The following HOMER1 variants were observed in gnomAD, a reference collection of about 807,000 sequenced individuals.
The protein encoded by HOMER1 is homer scaffold protein 1.
Under a neutral mutation model 48.9 loss-of-function variants are expected in HOMER1, and 3 were observed. That is an observed-to-expected ratio of 0.06 (90% CI 0.03 to 0.16). The LOEUF is 0.16. HOMER1 is among the 10% of genes least tolerant of loss of function. The pLI is 1.00. For synonymous variants in HOMER1, 134 were observed against 146.4 expected (o/e 0.92, Z 0.61); for missense variants, 247 against 411.4 (o/e 0.60, Z 3.46).
chr5:79,381,169 T>G (rs530548839), intron 8 of HOMER1, among the ~76,000 whole-genome samples: 7 of 152,166 alleles, frequency 4.6e-5, no homozygotes, highest in Non-Finnish European at 4.4e-5. Flanking sequence ...GGTGTCCCAG[T>G]CCCCAGCAAA....
At chr5:79,443,555 G>A (rs1488254967) in intron 4 of HOMER1, among the ~76,000 whole-genome samples, 16 of 152,240 alleles carry the variant, frequency 1.1e-4, no homozygotes, top group Admixed American at 9.8e-4. Context: ...AAAGATAACT[G>A]TTAGTGCCAG....
intron 5 of HOMER1, among the ~76,000 whole-genome samples, chr5:79,425,310 T>C (rs1207710944): frequency 6.6e-6 from 1 of 151,552 alleles, no homozygotes; most frequent in East Asian, 1.9e-4. Flanking sequence ...ATATATCCAG[T>C]AGATATCAGG....
chr5:79,491,582 G>A (rs1482445281), intron 1 of HOMER1, among the ~76,000 whole-genome samples: 1 of 151,606 alleles, frequency 6.6e-6, no homozygotes, highest in Non-Finnish European at 1.5e-5. Flanking sequence ...ATGAGTTACT[G>A]TGATACTGGC....
At chr5:79,461,924 C>A (rs927240415) in intron 1 of HOMER1, among the ~76,000 whole-genome samples, 2 of 152,154 alleles carry the variant, frequency 1.3e-5, no homozygotes, top group Non-Finnish European at 2.9e-5. Context: ...CCATGCCGGG[C>A]GCAGTGGCTC....
At chr5:79,425,484 C>T (rs1015801242) in intron 5 of HOMER1, among the ~76,000 whole-genome samples, 1 of 151,972 alleles carries the variant, frequency 6.6e-6, no homozygotes, top group African/African-American at 2.4e-5. Context: ...CTGCAAAAAA[C>T]CCAGATGTGA....
intron 1 of HOMER1, among the ~76,000 whole-genome samples, chr5:79,465,278 C>T (rs1356068237): frequency 2.6e-5 from 4 of 151,730 alleles, no homozygotes; most frequent in African/African-American, 9.7e-5. Context: ...GAGGCTGCAG[C>T]GAGCTATGAT....
intron 5 of HOMER1, among the ~76,000 whole-genome samples, chr5:79,422,646 A>G (rs1321181097): frequency 2.6e-5 from 4 of 152,004 alleles, no homozygotes; most frequent in Non-Finnish European, 5.9e-5. Flanking sequence ...AGATAAAACT[A>G]TAAAAAATAA....
chr5:79,479,009 A>T (rs1410323523), intron 1 of HOMER1, among the ~76,000 whole-genome samples: 1 of 152,182 alleles, frequency 6.6e-6, no homozygotes, highest in Non-Finnish European at 1.5e-5. Context: ...TTTAGAAAGT[A>T]CTTATTATTA....
chr5:79,447,651 A>G (rs907450670), intron 3 of HOMER1, among the ~76,000 whole-genome samples: 5 of 152,204 alleles, frequency 3.3e-5, no homozygotes, highest in Non-Finnish European at 7.4e-5. Context: ...ACTAACTGAC[A>G]TAACTAAAAA....
At chr5:79,480,623 TA>T (rs1186741973) in intron 1 of HOMER1, among the ~76,000 whole-genome samples, 1 of 152,270 alleles carries the variant, frequency 6.6e-6, no homozygotes, top group East Asian at 1.9e-4. Context: ...TATGCCCATG[TA>T]AGTTATTATA....
rs1748760112 is a variant in HOMER1, at chr5:79,375,921, TTTG to T, written c.*85_*87del. The T allele has an allele frequency of 1.7e-6, 1 of 584,650 alleles. No individual in the cohort carries two copies. The highest frequency in any genetic ancestry group is 2.5e-6 in the Non-Finnish European group (1 of 392,880). 36.2% of individuals were successfully genotyped at this position (584,650 alleles called of 1,614,324 possible). The stretch of plus-strand genomic sequence containing the variant: ...GATATTCAATTTTTTTTTTTTTTTT[TTTG>T]TGCAATCTTGATGCAGAGCCTAAAC... On this transcript the variant is annotated 3_prime_UTR_variant, in exon 9 of 9. Transcript: ENST00000334082.
At chr5:79,433,442 C>A (rs1750478523) in intron 5 of HOMER1, among the ~76,000 whole-genome samples, 1 of 152,012 alleles carries the variant, frequency 6.6e-6, no homozygotes, top group African/African-American at 2.4e-5. Flanking sequence ...GTGATGTAAG[C>A]CTGTAATCCC....
At chr5:79,421,133 AT>A (rs2112246911) in intron 5 of HOMER1, among the ~76,000 whole-genome samples, 1 of 152,328 alleles carries the variant, frequency 6.6e-6, no homozygotes, top group East Asian at 1.9e-4. Context: ...TTCAAATAAA[AT>A]TTAGAAACTA....
intron 3 of HOMER1, among the ~76,000 whole-genome samples, chr5:79,450,120 C>T (rs66943852): frequency 0.33 from 49,698 of 151,980 alleles, 8,599 homozygotes; most frequent in African/African-American, 0.44. Flanking sequence ...AGCCTGAGTT[C>T]CAGTATCAGA....
intron 1 of HOMER1, among the ~76,000 whole-genome samples, chr5:79,496,393 A>C (rs983088610): frequency 6.6e-6 from 1 of 152,208 alleles, no homozygotes. Context: ...TGGCTTTCAG[A>C]TTACAGCAGA....
At chr5:79,472,693 C>A (rs181508901) in intron 1 of HOMER1, among the ~76,000 whole-genome samples, 3 of 151,892 alleles carry the variant, frequency 2.0e-5, no homozygotes, top group Admixed American at 2.0e-4. Flanking sequence ...GCAGGAGGAT[C>A]GCTTGAGCCC....
intron 8 of HOMER1, among the ~76,000 whole-genome samples, chr5:79,388,949 A>G (rs1053976999): frequency 2.0e-5 from 3 of 152,124 alleles, no homozygotes; most frequent in African/African-American, 7.2e-5. Flanking sequence ...GGAAATAAAG[A>G]AAAACCTGGA....
chr5:79,475,244 G>C (rs1751729940), intron 1 of HOMER1, among the ~76,000 whole-genome samples: 1 of 120,052 alleles, frequency 8.3e-6, no homozygotes, highest in African/African-American at 3.1e-5. Context: ...AACTGCTCAA[G>C]ATGACACATT....
At chr5:79,466,962 T>C (rs1400074427) in intron 1 of HOMER1, among the ~76,000 whole-genome samples, 1 of 152,068 alleles carries the variant, frequency 6.6e-6, no homozygotes, top group Non-Finnish European at 1.5e-5. Flanking sequence ...TGGCTAATTT[T>C]TGTATTTTTA....
Sources: allele counts gnomAD v4.1 joint callset (sites outside exome capture counted in the v4.1 genomes callset), GRCh38; gene constraint gnomAD v4.1.1; transcripts MANE v1.5; gene names NCBI Gene and HGNC (gene_info 2026-07-23, HGNC 2026-07-21).